ENPP1: variants seen among roughly 807,000 people sequenced by gnomAD.
ENPP1 encodes ectonucleotide pyrophosphatase/phosphodiesterase 1, also known as ectonucleotide pyrophosphatase/phosphodiesterase family member 1.
Under a neutral mutation model 122.8 loss-of-function variants are expected in ENPP1, and 73 were observed. The ratio of observed to expected loss-of-function variants is 0.59; its 90% CI spans 0.49 to 0.72. ENPP1 has a LOEUF of 0.72. Among genes scored for constraint, ENPP1 ranks in the 30% least tolerant of loss-of-function variants. ENPP1 has a pLI of 0.00. For missense variants in ENPP1, 978 were observed against 1,128.1 expected, an observed-to-expected ratio of 0.87 and a Z score of 1.91; for synonymous variants, 367 against 391.6, an observed-to-expected ratio of 0.94 and a Z score of 0.74.
rs1782503747 is a variant in ENPP1 at position 131,893,785 on chromosome 6, A to G, written c.*3274A>G. On this transcript the variant is annotated 3_prime_UTR_variant, in exon 25 of 25. Coordinates refer to ENST00000647893, the MANE Select transcript of ENPP1 (RefSeq NM_006208.3). ...CTTTTCTTGAAAGAGTTTTAAACAG[A>G]TAAGATGGCAAAAGTGACTGATCTC... 6.6e-6 allele frequency: 1 copy of G among 152,004 alleles called. No homozygotes were observed. Among genetic ancestry groups the G allele is most frequent in the Non-Finnish European group, 1.5e-5 (1 of 68,012 alleles). 9.4% of individuals were successfully genotyped at this position (152,004 alleles called of 1,614,324 possible).
chr6:131,837,134 G>A (rs186020070), intron 1 of ENPP1, among the ~76,000 whole-genome samples: 69 of 151,562 alleles, frequency 4.6e-4, no homozygotes, highest in African/African-American at 1.6e-3. Context: ...CCAAGAACAA[G>A]AGTGAGTTTT....
Position 131,847,802 on chromosome 6 carries a change from A to T in ENPP1, c.267A>T (p.Thr89=). The change falls in exon 2 of 25, where the codon ACA becomes ACT. Residue 89 remains threonine (T), a synonymous_variant. Transcript: ENST00000647893. Reference sequence around the variant, plus strand: ...TATTGTCAGTATGTGTGTTAACAACAATACTTGGTTGTATATTTGGGTTGA... The same window carrying T: ...TATTGTCAGTATGTGTGTTAACAACTATACTTGGTTGTATATTTGGGTTGA... ...SLVLSVCVLT[T]ILGCIFGLKP... 6.2e-7 allele frequency: 1 copy of T among 1,612,010 alleles called. No individual in the cohort carries two copies. Among genetic ancestry groups the T allele is most frequent in the Non-Finnish European group, 8.5e-7 (1 of 1,179,222 alleles).
intron 1 of ENPP1, among the ~76,000 whole-genome samples, chr6:131,845,321 G>A (rs567379197): frequency 1.3e-5 from 2 of 151,638 alleles, no homozygotes; most frequent in Admixed American, 6.6e-5. Context: ...ATGAGCCACC[G>A]TGCCTGGCCA....
intron 1 of ENPP1, chr6:131,828,138 G>A: frequency 1.7e-6 from 1 of 579,944 alleles, no homozygotes; most frequent in Non-Finnish European, 3.4e-6. Flanking sequence ...AGGTCGTTCT[G>A]GATTCCGAGT....
intron 12 of ENPP1, 28 bp from the exon 13 acceptor site, chr6:131,869,330 A>G: frequency 1.2e-6 from 2 of 1,611,036 alleles, no homozygotes; most frequent in African/African-American, 1.3e-5. Context: ...AAGTTACAGC[A>G]TGTTTTGGGA....
At chr6:131,868,237 A>G in intron 12 of ENPP1, 111 bp downstream of exon 12, 1 of 775,826 alleles carries the variant, frequency 1.3e-6, no homozygotes, top group Non-Finnish European at 2.2e-6. Flanking sequence ...TTAAAAATGT[A>G]GTTTCTTATG....
intron 1 of ENPP1, chr6:131,827,488 A>G (rs1781559641): frequency 1.6e-6 from 1 of 638,120 alleles, no homozygotes; most frequent in Non-Finnish European, 2.8e-6. Context: ...AGAAACTTCA[A>G]GATTTCTGCG....
chr6:131,853,242 A>G (rs563448001), intron 5 of ENPP1, among the ~76,000 whole-genome samples: 108 of 152,298 alleles, frequency 7.1e-4, no homozygotes, highest in African/African-American at 2.4e-3. Flanking sequence ...ACCTCAACCA[A>G]ATAATTTCAA....
At chr6:131,871,390 C>G (rs1218293298) in intron 13 of ENPP1, among the ~76,000 whole-genome samples, 2 of 152,172 alleles carry the variant, frequency 1.3e-5, no homozygotes, top group Admixed American at 6.5e-5. Context: ...AACTAGTCTA[C>G]TTGCCTTCTC....
At chr6:131,879,512 C>T (rs77761613) in intron 19 of ENPP1, among the ~76,000 whole-genome samples, 2,112 of 152,034 alleles carry the variant, frequency 0.014, 53 homozygotes, top group African/African-American at 0.049. Context: ...TTCTGCTTTC[C>T]AAGTACACAT....
chr6:131,848,906 C>A (rs182612445), intron 2 of ENPP1, among the ~76,000 whole-genome samples: 1 of 152,244 alleles, frequency 6.6e-6, no homozygotes, highest in East Asian at 1.9e-4. Context: ...CTTAAAATTG[C>A]CTGATTTCCC....
At chr6:131,851,110 A>G (rs1222435726) in intron 3 of ENPP1, 32 bp from the exon 4 acceptor site, 2 of 1,613,158 alleles carry the variant, frequency 1.2e-6, no homozygotes, top group Admixed American at 1.7e-5. Context: ...AATTTGAGAC[A>G]TAAAACACAT....
At chr6:131,858,022 C>A (rs770287203) in intron 6 of ENPP1, among the ~76,000 whole-genome samples, 1 of 152,184 alleles carries the variant, frequency 6.6e-6, no homozygotes, top group Non-Finnish European at 1.5e-5. Flanking sequence ...TATATAGACA[C>A]ATGCCAATTT....
chr6:131,812,177 A>G lies in ENPP1; in HGVS notation c.240+3902A>G, dbSNP rs1781363745. Among the ~76,000 whole-genome samples, 3 of 152,248 alleles carry G rather than the reference A, an allele frequency of 2.0e-5. No individual in the cohort carries two copies. In the South Asian group the frequency reaches 6.2e-4, roughly 32 times the overall value. ...GTAGACTTTAGACATCTAGAAATAC[A>G]AAGCATAATCAATTTAAGAATCAAA... is the stretch of plus-strand genomic sequence containing the variant. On this transcript the variant is annotated intron_variant, in intron 1 of 24. Coordinates refer to ENST00000647893, the MANE Select transcript of ENPP1 (RefSeq NM_006208.3).
At chr6:131,817,072 A>G (rs1781423325) in intron 1 of ENPP1, among the ~76,000 whole-genome samples, 1 of 152,232 alleles carries the variant, frequency 6.6e-6, no homozygotes. Context: ...CAAGTTATTC[A>G]GATGTAGGTG....
At chr6:131,811,476 A>T (rs991544820) in intron 1 of ENPP1, among the ~76,000 whole-genome samples, 2 of 151,062 alleles carry the variant, frequency 1.3e-5, no homozygotes, top group African/African-American at 4.9e-5. Flanking sequence ...GAGGACTGCA[A>T]CCCAGGAGCA....
At chr6:131,827,575 G>T in intron 1 of ENPP1, 1 of 595,294 alleles carries the variant, frequency 1.7e-6, no homozygotes, top group Non-Finnish European at 3.1e-6. Context: ...AAAGAGTGAT[G>T]TAGGTTAAAA....
At chr6:131,873,810 T>C (rs1782193431) in intron 15 of ENPP1, among the ~76,000 whole-genome samples, 1 of 152,042 alleles carries the variant, frequency 6.6e-6, no homozygotes, top group Non-Finnish European at 1.5e-5. Context: ...GGCTTTTAGT[T>C]TTCAAAAAAT....
chr6:131,831,385 C>T (rs1781612085), intron 1 of ENPP1, among the ~76,000 whole-genome samples: 1 of 152,114 alleles, frequency 6.6e-6, no homozygotes, highest in African/African-American at 2.4e-5. Context: ...CATGAATCAA[C>T]AGTGATACAT....
Sources: allele counts gnomAD v4.1 joint callset (sites outside exome capture counted in the v4.1 genomes callset), GRCh38; gene constraint gnomAD v4.1.1; transcripts MANE v1.5; gene names NCBI Gene and HGNC (gene_info 2026-07-23, HGNC 2026-07-21).